Variants in MGST1 observed in about 807,000 individuals in gnomAD.
The protein encoded by MGST1 is microsomal glutathione S-transferase 1.
MGST1 carries 5 observed loss-of-function variants against 8.9 expected under a neutral mutation model. That is an observed-to-expected ratio of 0.56 (90% CI 0.29 to 1.19). The LOEUF (loss-of-function observed/expected upper bound fraction) is 1.19. Among genes scored for constraint, MGST1 ranks in the 50% most tolerant of loss-of-function variants. MGST1 has a pLI of 0.08. For missense variants in MGST1, 182 were observed against 187.4 expected, an observed-to-expected ratio of 0.97 and a Z score of 0.17; for synonymous variants, 54 against 67.8, an observed-to-expected ratio of 0.80 and a Z score of 1.00.
At chr12:16,368,163 C>A (rs1022510999), downstream of MGST1, among the ~76,000 whole-genome samples, 4 of 152,162 alleles carry the variant, frequency 2.6e-5, no homozygotes, top group Non-Finnish European at 5.9e-5. Flanking sequence ...TTCAATGATT[C>A]TAAGGCCAGA....
chr12:16,408,105 A>C (rs1940711816), intron 1 of MGST1, among the ~76,000 whole-genome samples: 1 of 151,888 alleles, frequency 6.6e-6, no homozygotes, highest in Non-Finnish European at 1.5e-5. Flanking sequence ...TAGCAAAGTA[A>C]TACAGGAACA....
intron 4 of MGST1, among the ~76,000 whole-genome samples, chr12:16,567,171 G>C (rs1335319538): frequency 6.6e-6 from 1 of 151,784 alleles, no homozygotes; most frequent in East Asian, 1.9e-4. Context: ...ACTCCAGCCT[G>C]GGCAATAAGA....
At chr12:16,381,192 C>G (rs894488838), downstream of MGST1, among the ~76,000 whole-genome samples, 22 of 152,000 alleles carry the variant, frequency 1.4e-4, no homozygotes, top group Non-Finnish European at 2.9e-4. Flanking sequence ...ATGATGTTAG[C>G]TGGTTATTTT....
chr12:16,466,259 C>A (rs1212696398), intron 4 of MGST1, among the ~76,000 whole-genome samples: 1 of 152,108 alleles, frequency 6.6e-6, no homozygotes, highest in Non-Finnish European at 1.5e-5. Flanking sequence ...CTTTGTGCCC[C>A]AGAAAGAGAA....
At chr12:16,467,764 C>A (rs1279190766) in intron 4 of MGST1, among the ~76,000 whole-genome samples, 6 of 152,206 alleles carry the variant, frequency 3.9e-5, no homozygotes, top group Non-Finnish European at 8.8e-5. Flanking sequence ...TGCTCTGGAA[C>A]CTTCTGCTTT....
intron 3 of MGST1, chr12:16,360,323 G>A (rs1939932430): frequency 1.0e-6 from 1 of 984,548 alleles, no homozygotes; most frequent in African/African-American, 1.8e-5. Context: ...GTTACGATTA[G>A]CATATTTGAA....
At chr12:16,402,981 TTATC>T (rs1279981593) in intron 1 of MGST1, among the ~76,000 whole-genome samples, 2 of 150,538 alleles carry the variant, frequency 1.3e-5, no homozygotes, top group African/African-American at 2.4e-5. Context: ...ATTAAATAAA[TTATC>T]TAGTAATTAG....
intron 1 of MGST1, among the ~76,000 whole-genome samples, chr12:16,404,756 G>C (rs1940685666): frequency 6.6e-6 from 1 of 152,052 alleles, no homozygotes; most frequent in East Asian, 1.9e-4. Flanking sequence ...TTGAATCAGT[G>C]GTCTTCTAGC....
At chr12:16,373,924 C>T (rs994928862) in intron 3 of MGST1, among the ~76,000 whole-genome samples, 1 of 152,078 alleles carries the variant, frequency 6.6e-6, no homozygotes, top group African/African-American at 2.4e-5. Flanking sequence ...TTCTTATCAG[C>T]ATGTTTTGAG....
chr12:16,575,206 C>A (rs1397024830), intron 4 of MGST1, among the ~76,000 whole-genome samples: 1 of 152,100 alleles, frequency 6.6e-6, no homozygotes, highest in Non-Finnish European at 1.5e-5. Flanking sequence ...GCTCAAAATT[C>A]ATAAATAAAC....
chr12:16,379,270 T>C (rs1591712094), downstream of MGST1, among the ~76,000 whole-genome samples: 2 of 152,242 alleles, frequency 1.3e-5, no homozygotes, highest in South Asian at 2.1e-4. Flanking sequence ...TTCAGTATGA[T>C]ATTCGCTGTG....
rs1942325473 is a variant in MGST1 at position 16,559,839 on chromosome 12, GTACTCCCAGC to G, written n.483-29683_483-29674del. ...TAGCCAGGCATGGGAGTGCACACCT[GTACTCCCAGC>G]TACTCGGGAGGCTGAGGCAGGAGGA... is the stretch of plus-strand genomic sequence containing the variant. On this transcript the variant is annotated intron_variant and non_coding_transcript_variant, in intron 4 of 4. Transcript: ENST00000538857. The surrounding 1 kb of genome is among the most constrained non-coding windows in gnomAD (Gnocchi z 4.1). Among the ~76,000 whole-genome samples the G allele has an allele frequency of 6.6e-6, 1 of 151,500 alleles. No homozygotes were observed. Among genetic ancestry groups the G allele is most frequent in the Admixed American group, 6.6e-5 (1 of 15,210 alleles).
chr12:16,394,129 C>A (rs1940577708), intron 1 of MGST1, among the ~76,000 whole-genome samples: 1 of 152,232 alleles, frequency 6.6e-6, no homozygotes, highest in South Asian at 2.1e-4. Context: ...AACACTTCCA[C>A]AGAAGTGTGA....
chr12:16,489,869 T>C (rs1214956806), intron 4 of MGST1, among the ~76,000 whole-genome samples: 1 of 152,170 alleles, frequency 6.6e-6, no homozygotes, highest in Non-Finnish European at 1.5e-5. Context: ...CATCATGCAA[T>C]TCCATTGTCT....
chr12:16,395,458 G>C (rs920369330), intron 1 of MGST1, among the ~76,000 whole-genome samples: 3 of 151,882 alleles, frequency 2.0e-5, no homozygotes, highest in African/African-American at 4.8e-5. Flanking sequence ...GGGAACAGGT[G>C]GTATTTGGTT....
intron 4 of MGST1, among the ~76,000 whole-genome samples, chr12:16,526,337 C>G (rs1226892882): frequency 6.6e-6 from 1 of 151,890 alleles, no homozygotes; most frequent in Non-Finnish European, 1.5e-5. Context: ...GCTACATGGT[C>G]AAAACTCAGG....
chr12:16,350,301 G>A (rs1939403771), intron 1 of MGST1, among the ~76,000 whole-genome samples: 1 of 152,216 alleles, frequency 6.6e-6, no homozygotes, highest in South Asian at 2.1e-4. Context: ...AAGAGAGGTT[G>A]AGATACTTAT....
intron 2 of MGST1, chr12:16,357,379 C>T (rs1318907710): frequency 2.5e-6 from 1 of 395,616 alleles, no homozygotes; most frequent in Non-Finnish European, 4.5e-6. Context: ...CCAACCTCAA[C>T]CTCCTGAGTA....
intron 1 of MGST1, among the ~76,000 whole-genome samples, chr12:16,436,709 A>G (rs1171907256): frequency 1.3e-5 from 2 of 152,120 alleles, no homozygotes; most frequent in East Asian, 1.9e-4. Flanking sequence ...GCCTTATTGA[A>G]ATAATCGCTA....
Sources: allele counts gnomAD v4.1 joint callset (sites outside exome capture counted in the v4.1 genomes callset), GRCh38; gene constraint gnomAD v4.1.1; non-coding constraint Gnocchi (gnomAD v3.1); transcripts MANE v1.5; gene names NCBI Gene and HGNC (gene_info 2026-07-23, HGNC 2026-07-21).